ROR2: variants seen among roughly 807,000 people sequenced by gnomAD.
ROR2 encodes ROR family WNT receptor 2.
In ROR2, 33 loss-of-function variants were observed where a neutral mutation model predicts 74.9. The observed-to-expected ratio is 0.44, with a 90% CI of 0.33 to 0.59. The LOEUF is 0.59. Among genes scored for constraint, ROR2 ranks in the 20% least tolerant of loss-of-function variants. The pLI, the probability that ROR2 is intolerant of heterozygous loss-of-function variation, is 0.02. For synonymous variants in ROR2, 586 were observed against 558.7 expected, an observed-to-expected ratio of 1.05 and a Z score of -0.69; for missense variants, 1,216 against 1,313.8, an observed-to-expected ratio of 0.93 and a Z score of 1.15.
chr9:91,742,116 T>C (rs1587675606), intron 4 of ROR2, among the ~76,000 whole-genome samples: 2 of 152,258 alleles, frequency 1.3e-5, no homozygotes, highest in East Asian at 1.9e-4. Flanking sequence ...CTCAGAATCA[T>C]GGTGGGAGGC....
At chr9:91,781,400 G>T (rs1466048454) in intron 1 of ROR2, among the ~76,000 whole-genome samples, 1 of 152,210 alleles carries the variant, frequency 6.6e-6, no homozygotes, top group African/African-American at 2.4e-5. Flanking sequence ...TCGGCAACAC[G>T]TCAGATCGAA....
chr9:91,729,846 A>G (rs1301203453), intron 7 of ROR2, among the ~76,000 whole-genome samples: 2 of 152,170 alleles, frequency 1.3e-5, no homozygotes, highest in African/African-American at 4.8e-5. Flanking sequence ...TTTTCGCCTC[A>G]CTCCACCAAA....
chr9:91,790,466 C>T (rs964735334), intron 1 of ROR2, among the ~76,000 whole-genome samples: 2 of 150,894 alleles, frequency 1.3e-5, no homozygotes, highest in African/African-American at 2.4e-5. Context: ...GCCAAGATCG[C>T]GCCACTGCAC....
chr9:91,863,272 C>T (rs1054404885), intron 1 of ROR2, among the ~76,000 whole-genome samples: 11 of 152,164 alleles, frequency 7.2e-5, no homozygotes, highest in African/African-American at 2.7e-4. Context: ...GTGATCCTCC[C>T]GCCTTGGTCC....
rs528458821 is a variant in ROR2 at position 91,901,088 on chromosome 9, C to T, written c.97+48779G>A. ...CGGGCAGAATCCCCCTCCACTCCAC[C>T]ATCCTTCAACTAGAGAAAAGAACTG... On this transcript the variant is annotated intron_variant, in intron 1 of 8. Transcript: ENST00000375708. 2.8e-3 allele frequency among the ~76,000 whole-genome samples: 428 copies of T among 152,338 alleles called. 3 individuals are homozygous for T. The highest frequency in any genetic ancestry group is 9.5e-3 in the African/African-American group (396 of 41,584).
At chr9:91,856,069 T>G (rs575094351) in intron 1 of ROR2, among the ~76,000 whole-genome samples, 17 of 152,330 alleles carry the variant, frequency 1.1e-4, no homozygotes, top group Non-Finnish European at 8.8e-5. Flanking sequence ...ATTGTCCTTG[T>G]AACCCATAAA....
intron 1 of ROR2, among the ~76,000 whole-genome samples, chr9:91,852,653 A>C (rs572451995): frequency 6.1e-4 from 90 of 147,740 alleles, no homozygotes; most frequent in African/African-American, 2.1e-3. Context: ...ACACACACCC[A>C]CACACACAAT....
intron 1 of ROR2, among the ~76,000 whole-genome samples, chr9:91,918,521 C>A (rs955120856): frequency 3.3e-5 from 5 of 152,200 alleles, no homozygotes; most frequent in Non-Finnish European, 7.3e-5. Context: ...TAGGTTTGAA[C>A]ATAGGAAACT....
At position 91,722,883 on chromosome 9, in the gene ROR2, ATTC is replaced by A; in HGVS notation, c.*776_*778del. On this transcript the variant is annotated 3_prime_UTR_variant, in exon 9 of 9. Transcript: ENST00000375708. ...AAATTACATTTAAGCTCTGTACATG[ATTC>A]TTAACAAAAATAACAATACCGTGTT... is the stretch of plus-strand genomic sequence containing the variant. 1 of 454,336 alleles carries A rather than the reference ATTC, an allele frequency of 2.2e-6. No individual in the cohort carries two copies. The highest frequency in any genetic ancestry group is 4.0e-6 in the Non-Finnish European group (1 of 249,586). The allele number at this position is 454,336 out of a possible 1,614,324, so 28.1% of individuals were successfully genotyped here.
At chr9:91,874,494 A>G (rs1029634471) in intron 1 of ROR2, among the ~76,000 whole-genome samples, 1 of 152,250 alleles carries the variant, frequency 6.6e-6, no homozygotes, top group Non-Finnish European at 1.5e-5. Flanking sequence ...AATGAAAAAA[A>G]ATCCGTGTTC....
At chr9:91,841,379 T>C (rs925243099) in intron 1 of ROR2, among the ~76,000 whole-genome samples, 1 of 152,212 alleles carries the variant, frequency 6.6e-6, no homozygotes, top group Admixed American at 6.5e-5. Context: ...TACCAATTCA[T>C]AAATTCTCTT....
intron 1 of ROR2, among the ~76,000 whole-genome samples, chr9:91,928,083 C>T (rs985126311): frequency 2.6e-5 from 4 of 152,250 alleles, no homozygotes; most frequent in African/African-American, 9.6e-5. Context: ...TTCCCGCCAC[C>T]TCCTGCATCA....
intron 1 of ROR2, among the ~76,000 whole-genome samples, chr9:91,898,754 C>A (rs79163830): frequency 0.027 from 4,117 of 152,194 alleles, 88 homozygotes; most frequent in South Asian, 0.057. Flanking sequence ...CTTCTCCTGA[C>A]TATTAGTCAC....
In ROR2 at chr9:91,834,032, T is replaced by C. The variant is rs543803713; in HGVS notation, c.98-58214A>G. Among the ~76,000 whole-genome samples the C allele has an allele frequency of 1.3e-4, 20 of 152,270 alleles. No homozygotes were observed. The East Asian group carries it at 3.1e-3, about 24-fold the overall frequency. ...AGTGGGTAGGCCGTCCCCCTGGGCC[T>C]GCAGACTGTAAAGCTCATTCCGGCT... On this transcript the variant is annotated intron_variant, in intron 1 of 8. Transcript: ENST00000375708.
At chr9:91,831,933 T>C (rs1444378921) in intron 1 of ROR2, among the ~76,000 whole-genome samples, 5 of 152,182 alleles carry the variant, frequency 3.3e-5, no homozygotes, top group African/African-American at 7.2e-5. Context: ...AAGCCAATCA[T>C]GTCCCTGACC....
At chr9:91,927,203 G>C (rs1831427615) in intron 1 of ROR2, among the ~76,000 whole-genome samples, 1 of 152,184 alleles carries the variant, frequency 6.6e-6, no homozygotes, top group South Asian at 2.1e-4. Flanking sequence ...ACACAGCTGG[G>C]TTAGAGGTCA....
chr9:91,745,851 T>C (rs1825395067), intron 4 of ROR2, among the ~76,000 whole-genome samples: 1 of 152,190 alleles, frequency 6.6e-6, no homozygotes, highest in African/African-American at 2.4e-5. Flanking sequence ...TCCGGTTCTG[T>C]ACTATGGGAT....
At chr9:91,810,408 C>T (rs1355878035) in intron 1 of ROR2, among the ~76,000 whole-genome samples, 5 of 152,120 alleles carry the variant, frequency 3.3e-5, no homozygotes, top group Non-Finnish European at 7.4e-5. Context: ...GCGGGATTGA[C>T]GGGTGCGGTT....
intron 1 of ROR2, among the ~76,000 whole-genome samples, chr9:91,820,013 C>T (rs527972174): frequency 6.6e-6 from 1 of 152,226 alleles, no homozygotes; most frequent in African/African-American, 2.4e-5. Flanking sequence ...TCTGTGTGTG[C>T]ACACCTGTCA....
Sources: gnomAD v4.1 joint callset for allele counts (sites outside exome capture counted in the v4.1 genomes callset) on GRCh38, gnomAD v4.1.1 for gene constraint, MANE v1.5 for transcripts, NCBI Gene and HGNC (gene_info 2026-07-23, HGNC 2026-07-21) for gene names.